Variants in RBM33 observed in about 807,000 individuals in gnomAD.
The protein encoded by RBM33 is RNA-binding protein 33.
Under a neutral mutation model 132.6 loss-of-function variants are expected in RBM33, and 28 were observed. The ratio of observed to expected loss-of-function variants is 0.21; its 90% CI spans 0.16 to 0.29. RBM33 has a LOEUF of 0.29. RBM33 is among the 10% of genes least tolerant of loss of function. RBM33 has a pLI of 1.00. For synonymous variants in RBM33, 634 were observed against 593.0 expected (o/e 1.07, Z -1.01); for missense variants, 1,291 against 1,518.5 (o/e 0.85, Z 2.49).
intron 1 of RBM33, among the ~76,000 whole-genome samples, chr7:155,661,142 A>ATTTT (rs1217940558): frequency 1.7e-5 from 1 of 60,456 alleles, no homozygotes; most frequent in Non-Finnish European, 3.9e-5. Context: ...ATATATATAT[A>ATTTT]TATATTTTTT....
In RBM33 at chr7:155,673,408, GTGTGTGTGTGT is replaced by G. The variant is rs1799003046; in HGVS notation, c.171+494_171+504del. Among the ~76,000 whole-genome samples the G allele has an allele frequency of 3.2e-3, 464 of 144,916 alleles. 7 individuals carry two copies. Among genetic ancestry groups the G allele is most frequent in the African/African-American group, 8.4e-3 (328 of 39,090 alleles). ...GTATATCTATTTATATATATTGTGT[GTGTGTGTGTGT>G]GTGTGTGTGTGTGTGTGTGTGTATG... On this transcript the variant is annotated intron_variant, in intron 3 of 17. Coordinates refer to ENST00000401878, the MANE Select transcript of RBM33 (RefSeq NM_053043.3).
chr7:155,644,850 G>A lies in RBM33; in HGVS notation c.-27G>A, dbSNP rs1798128083. ...GCCCACCAGCTGGCTTGGTGGGGGAGGCTGAAGGCCGGGCCCCGCGAGTGC... is the reference window on the plus strand; with the variant it reads ...GCCCACCAGCTGGCTTGGTGGGGGAAGCTGAAGGCCGGGCCCCGCGAGTGC... On this transcript the variant is annotated 5_prime_UTR_variant, in exon 1 of 18. Coordinates refer to ENST00000401878, the MANE Select transcript of RBM33 (RefSeq NM_053043.3). 1 of 1,477,850 alleles carries A rather than the reference G, an allele frequency of 6.8e-7. No individual in the cohort carries two copies. The highest frequency in any genetic ancestry group is 2.9e-5 in the East Asian group (1 of 34,936). 91.5% of individuals were successfully genotyped at this position (1,477,850 alleles called of 1,614,324 possible).
chr7:155,710,149 C>T lies in RBM33; in HGVS notation c.949-1054C>T, dbSNP rs1037232732. Among the ~76,000 whole-genome samples the T allele has an allele frequency of 7.2e-5, 11 of 152,166 alleles. No individual in the cohort carries two copies. The East Asian group carries it at 9.6e-4, about 13-fold the overall frequency. Reference sequence around the variant, plus strand: ...ATTTACTTGGAATTTAGAAGCCCTCCGTAATTTGGCATCATCTCAGGGAAA... The same window carrying T: ...ATTTACTTGGAATTTAGAAGCCCTCTGTAATTTGGCATCATCTCAGGGAAA... On this transcript the variant is annotated intron_variant, in intron 7 of 17. Transcript: ENST00000401878.
intron 14 of RBM33, among the ~76,000 whole-genome samples, chr7:155,758,206 G>T (rs910680300): frequency 6.6e-6 from 1 of 152,168 alleles, no homozygotes; most frequent in Non-Finnish European, 1.5e-5. Flanking sequence ...TGAATATATT[G>T]AATAATACCA....
In RBM33 at chr7:155,744,946, T is replaced by G; in HGVS notation, c.2338-15T>G. The G allele has an allele frequency of 6.5e-7, 1 of 1,540,646 alleles. No individual in the cohort carries two copies. The highest frequency in any genetic ancestry group is 8.7e-7 in the Non-Finnish European group (1 of 1,149,208). The stretch of plus-strand genomic sequence containing the variant: ...CCTGTATAGCAAAGTAAACCGTGTA[T>G]GTTTTCCATTTTAGTTTCCTGATGA... On this transcript the variant is annotated splice_polypyrimidine_tract_variant and intron_variant, in intron 13 of 17. Coordinates refer to ENST00000401878, the MANE Select transcript of RBM33 (RefSeq NM_053043.3).
In RBM33 at chr7:155,742,412, T is replaced by C. The variant is rs548404573; in HGVS notation, c.2337+306T>C. Reference sequence around the variant, plus strand: ...AATATTTTATAAATATTTTAGACTTTATAGTCCAGACTGTCATAATTACCC... The same window carrying C: ...AATATTTTATAAATATTTTAGACTTCATAGTCCAGACTGTCATAATTACCC... On this transcript the variant is annotated intron_variant, in intron 13 of 17. Transcript: ENST00000401878. Among the ~76,000 whole-genome samples the C allele has an allele frequency of 3.9e-4, 60 of 152,336 alleles. 1 individual carries two copies. Among genetic ancestry groups the C allele is most frequent in the Admixed American group, 1.5e-3 (23 of 15,314 alleles).
rs545028505 is a variant in RBM33 at position 155,674,367 on chromosome 7, T to C, written c.171+1452T>C. ...ATTGGGGAATTATTTTGCATACTCT[T>C]CTAGGTGCTCTCACTTGTATTTTTG... On this transcript the variant is annotated intron_variant, in intron 3 of 17. Coordinates refer to ENST00000401878, the MANE Select transcript of RBM33 (RefSeq NM_053043.3). Among the ~76,000 whole-genome samples the C allele has an allele frequency of 3.3e-5, 5 of 152,310 alleles. No individual in the cohort carries two copies. In the East Asian group the frequency reaches 5.8e-4, roughly 18 times the overall value.
intron 14 of RBM33, among the ~76,000 whole-genome samples, chr7:155,752,121 T>A (rs1772575227): frequency 1.3e-5 from 2 of 152,246 alleles, no homozygotes; most frequent in Admixed American, 1.3e-4. Context: ...TTGCCATTAC[T>A]CTTGGAACAT....
intron 16 of RBM33, among the ~76,000 whole-genome samples, chr7:155,767,427 G>A (rs11505218): frequency 0.016 from 2,463 of 152,338 alleles, 61 homozygotes; most frequent in African/African-American, 0.055. Flanking sequence ...GATGCACAGA[G>A]TACATGTCAG....
intron 9 of RBM33, among the ~76,000 whole-genome samples, chr7:155,732,504 G>C (rs1004362523): frequency 1.3e-4 from 20 of 152,286 alleles, no homozygotes; most frequent in African/African-American, 4.8e-4. Context: ...TGCTGACTAT[G>C]GTTGGGGCTG....
intron 1 of RBM33, among the ~76,000 whole-genome samples, chr7:155,658,699 G>C (rs1798560863): frequency 6.6e-6 from 1 of 152,172 alleles, no homozygotes; most frequent in Admixed American, 6.5e-5. Context: ...GCGCCCGGCT[G>C]CTTGTTTGTT....
intron 5 of RBM33, among the ~76,000 whole-genome samples, chr7:155,684,336 T>C (rs779050691): frequency 3.9e-5 from 6 of 152,210 alleles, no homozygotes; most frequent in Non-Finnish European, 7.3e-5. Context: ...AAGCCCTTTT[T>C]TCTTCTCTGC....
chr7:155,743,118 A>G (rs1251334056), intron 13 of RBM33, among the ~76,000 whole-genome samples: 1 of 152,226 alleles, frequency 6.6e-6, no homozygotes, highest in Non-Finnish European at 1.5e-5. Context: ...TTGTTTACCA[A>G]ATTGGAAGTA....
At chr7:155,725,419 G>A (rs569512132) in intron 9 of RBM33, among the ~76,000 whole-genome samples, 2 of 152,132 alleles carry the variant, frequency 1.3e-5, no homozygotes, top group Admixed American at 6.5e-5. Flanking sequence ...ACAACTGGGC[G>A]CAGGAGGGAG....
chr7:155,697,239 A>G (rs1799819401), intron 5 of RBM33, among the ~76,000 whole-genome samples: 1 of 152,186 alleles, frequency 6.6e-6, no homozygotes, highest in African/African-American at 2.4e-5. Context: ...TTCAGGTAAG[A>G]TTTGACTGAT....
intron 3 of RBM33, among the ~76,000 whole-genome samples, chr7:155,673,799 C>CACACACAA (rs776438670): frequency 6.7e-6 from 1 of 149,228 alleles, no homozygotes; most frequent in Non-Finnish European, 1.5e-5. Context: ...CACACACACA[C>CACACACAA]ACCCCTACCA....
chr7:155,660,607 A>T (rs187640267), intron 1 of RBM33, among the ~76,000 whole-genome samples: 5 of 152,306 alleles, frequency 3.3e-5, no homozygotes, highest in Admixed American at 3.3e-4. Context: ...GATGAGAATC[A>T]ACTATTGCAC....
intron 2 of RBM33, among the ~76,000 whole-genome samples, chr7:155,667,886 T>C (rs1025369770): frequency 1.3e-5 from 2 of 152,212 alleles, no homozygotes; most frequent in African/African-American, 4.8e-5. Context: ...AATAGACTAG[T>C]ACAGTGAACC....
chr7:155,648,383 C>T (rs961493610), intron 1 of RBM33, among the ~76,000 whole-genome samples: 2 of 152,194 alleles, frequency 1.3e-5, no homozygotes, highest in Admixed American at 6.5e-5. Context: ...GGGAAGTAGA[C>T]TCGAATTCAG....
Sources: gnomAD v4.1 joint callset for allele counts (sites outside exome capture counted in the v4.1 genomes callset) on GRCh38, gnomAD v4.1.1 for gene constraint, MANE v1.5 for transcripts, NCBI Gene and HGNC (gene_info 2026-07-23, HGNC 2026-07-21) for gene names.